Variants in CFAP77 observed in about 807,000 individuals in gnomAD.
The protein encoded by CFAP77 is cilia and flagella associated protein 77.
A neutral mutation model predicts 31.1 loss-of-function variants in CFAP77; 25 were observed. The ratio of observed to expected loss-of-function variants is 0.80; its 90% CI spans 0.59 to 1.12. The LOEUF is 1.12. Among genes scored for constraint, CFAP77 ranks in the 50% most tolerant of loss-of-function variants. The pLI is 0.00. For missense variants in CFAP77, 377 were observed against 397.3 expected (o/e 0.95, Z 0.44); for synonymous variants, 151 against 159.9 (o/e 0.94, Z 0.42).
intron 1 of CFAP77, among the ~76,000 whole-genome samples, chr9:132,494,270 T>G (rs972506833): frequency 6.6e-6 from 1 of 152,134 alleles, no homozygotes; most frequent in Non-Finnish European, 1.5e-5. Flanking sequence ...GATAGCTCCT[T>G]GATGTAGTGG....
chr9:132,462,310 CGTTT>C (rs1851065320), intron 1 of CFAP77, among the ~76,000 whole-genome samples: 1 of 152,140 alleles, frequency 6.6e-6, no homozygotes, highest in Admixed American at 6.5e-5. Context: ...CCTGCTCCTC[CGTTT>C]GTTTGCTTGT....
In CFAP77 at chr9:132,455,623, C is replaced by G. The variant is rs1850899243; in HGVS notation, c.196-43072C>G. On this transcript the variant is annotated intron_variant, in intron 1 of 5. Coordinates refer to ENST00000393216, the MANE Select transcript of CFAP77 (RefSeq NM_001282957.2). The surrounding 1 kb of genome is among the most constrained non-coding windows in gnomAD (Gnocchi z 4.1). ...GTACATGCCTGTGGTCCCAGCTACTCAGGAGGCTGAGGTGGGAGGATCGCT... is the reference window on the plus strand; with the variant it reads ...GTACATGCCTGTGGTCCCAGCTACTGAGGAGGCTGAGGTGGGAGGATCGCT... 6.6e-6 allele frequency among the ~76,000 whole-genome samples: 1 copy of G among 152,024 alleles called. No individual in the cohort carries two copies. Among genetic ancestry groups the G allele is most frequent in the African/African-American group, 2.4e-5 (1 of 41,390 alleles).
chr9:132,499,343 C>G lies in CFAP77; in HGVS notation c.296-29C>G. On this transcript the variant is annotated intron_variant, in intron 2 of 5. Transcript: ENST00000393216. This position sits in a 1 kb window ranked among gnomAD's most constrained non-coding sequence, Gnocchi z 5.4. ...AGGGTGCTTACTCCCAGGCTGACCA[C>G]TGCCCCGTGGGTCTCTCCCTGCCCT... is the stretch of plus-strand genomic sequence containing the variant. 6.2e-7 allele frequency: 1 copy of G among 1,605,902 alleles called. No individual in the cohort carries two copies. Among genetic ancestry groups the G allele is most frequent in the Non-Finnish European group, 8.5e-7 (1 of 1,173,880 alleles).
chr9:132,516,819 T>A (rs185686576), intron 3 of CFAP77, among the ~76,000 whole-genome samples: 1 of 151,766 alleles, frequency 6.6e-6, no homozygotes, highest in Non-Finnish European at 1.5e-5. Flanking sequence ...TAAAAAAAAA[T>A]AGATTTAGTG....
At chr9:132,560,829 C>T (rs1183564635) in intron 5 of CFAP77, among the ~76,000 whole-genome samples, 7 of 152,172 alleles carry the variant, frequency 4.6e-5, no homozygotes, top group East Asian at 1.9e-4. Context: ...AGAGTGGTGC[C>T]GGTGCCATTT....
intron 1 of CFAP77, among the ~76,000 whole-genome samples, chr9:132,438,541 A>ATATATATATATATATATATATATATACT: frequency 9.2e-6 from 1 of 108,154 alleles, no homozygotes; most frequent in African/African-American, 4.1e-5. Context: ...ATATATATAT[A>ATATATATATATATATATATATATATACT]TTTTTTTTTT....
At chr9:132,465,643 G>A (rs778521720) in intron 1 of CFAP77, among the ~76,000 whole-genome samples, 6 of 152,172 alleles carry the variant, frequency 3.9e-5, no homozygotes, top group Non-Finnish European at 7.3e-5. Flanking sequence ...AAAAAAAGGG[G>A]TTGTTTATTT....
At chr9:132,467,604 C>T (rs540399874) in intron 1 of CFAP77, among the ~76,000 whole-genome samples, 3 of 152,298 alleles carry the variant, frequency 2.0e-5, no homozygotes, top group African/African-American at 7.2e-5. Context: ...CATCGATGGA[C>T]ACTTGGGTTG....
rs182462097 is a variant in CFAP77 at position 132,532,183 on chromosome 9, G to A, written c.525-5418G>A. 1.1e-3 allele frequency among the ~76,000 whole-genome samples: 167 copies of A among 152,340 alleles called. 1 individual carries two copies. Among genetic ancestry groups the A allele is most frequent in the African/African-American group, 3.8e-3 (158 of 41,588 alleles). On this transcript the variant is annotated intron_variant, in intron 3 of 5. Transcript: ENST00000393216. ...GGACCTCTGCGCAGGGGCGGCAGCT[G>A]GAAGCTGCTGAACCTTTGCTCAGAC...
chr9:132,486,979 G>A (rs1333313528), intron 1 of CFAP77, among the ~76,000 whole-genome samples: 40 of 152,226 alleles, frequency 2.6e-4, no homozygotes, highest in African/African-American at 2.4e-5. Context: ...CCAGGCAGGC[G>A]GCAGAGCGCA....
intron 5 of CFAP77, among the ~76,000 whole-genome samples, chr9:132,553,446 C>CAAAA (rs953661900): frequency 1.3e-5 from 2 of 152,140 alleles, no homozygotes; most frequent in Non-Finnish European, 2.9e-5. Context: ...TACAAACAAA[C>CAAAA]AAACAAACAA....
intron 1 of CFAP77, among the ~76,000 whole-genome samples, chr9:132,487,847 C>T (rs145429063): frequency 1.9e-4 from 29 of 152,236 alleles, no homozygotes; most frequent in African/African-American, 6.7e-4. Context: ...GATTGTTTAT[C>T]TGAGGTTCTC....
rs541627904 is a variant in CFAP77 at position 132,530,828 on chromosome 9, C to T, written c.525-6773C>T. ...ATGGGTTATATTTTTGGTGTTGAGTCTAAGAAACTCTTTACGTAGCCTTAG... is the reference window on the plus strand; with the variant it reads ...ATGGGTTATATTTTTGGTGTTGAGTTTAAGAAACTCTTTACGTAGCCTTAG... On this transcript the variant is annotated intron_variant, in intron 3 of 5. Coordinates refer to ENST00000393216, the MANE Select transcript of CFAP77 (RefSeq NM_001282957.2). Among the ~76,000 whole-genome samples the T allele has an allele frequency of 1.3e-4, 20 of 152,236 alleles. No homozygotes were observed. In the East Asian group the frequency reaches 3.7e-3, roughly 28 times the overall value.
chr9:132,458,905 G>A (rs1850977102), intron 1 of CFAP77, among the ~76,000 whole-genome samples: 1 of 152,142 alleles, frequency 6.6e-6, no homozygotes, highest in Admixed American at 6.6e-5. Context: ...GAACCCTTTT[G>A]AAGTCACACT....
At chr9:132,530,843 C>T (rs1468087162) in intron 3 of CFAP77, among the ~76,000 whole-genome samples, 1 of 152,136 alleles carries the variant, frequency 6.6e-6, no homozygotes, top group Non-Finnish European at 1.5e-5. Context: ...AAACTCTTTA[C>T]GTAGCCTTAG....
At chr9:132,486,529 A>C (rs1446036915) in intron 1 of CFAP77, among the ~76,000 whole-genome samples, 3 of 152,196 alleles carry the variant, frequency 2.0e-5, no homozygotes, top group African/African-American at 7.2e-5. Flanking sequence ...TCGTAATCTC[A>C]GATGATACCT....
chr9:132,421,002 CTTTT>C (rs754764941), intron 1 of CFAP77, among the ~76,000 whole-genome samples: 3 of 74,518 alleles, frequency 4.0e-5, no homozygotes, highest in African/African-American at 4.4e-5. Context: ...TGGCTTGTGT[CTTTT>C]TTTTTTTTTT....
chr9:132,570,824 A>C (rs1829949097), intron 5 of CFAP77, among the ~76,000 whole-genome samples: 1 of 152,198 alleles, frequency 6.6e-6, no homozygotes, highest in African/African-American at 2.4e-5. Flanking sequence ...CAGCTGTGAC[A>C]CAATATTCTA....
chr9:132,547,910 C>T (rs149869423), intron 5 of CFAP77, among the ~76,000 whole-genome samples: 1 of 152,134 alleles, frequency 6.6e-6, no homozygotes, highest in East Asian at 1.9e-4. Context: ...TCCCTGGGGC[C>T]CTGGCTAACA....
Sources: gnomAD v4.1 joint callset for allele counts (sites outside exome capture counted in the v4.1 genomes callset) on GRCh38, gnomAD v4.1.1 for gene constraint, Gnocchi (gnomAD v3.1) non-coding constraint, MANE v1.5 for transcripts, NCBI Gene and HGNC (gene_info 2026-07-23, HGNC 2026-07-21) for gene names.